PAGE2B: variants seen among roughly 807,000 people sequenced by gnomAD.
PAGE2B encodes putative G antigen family E member 3.
A neutral mutation model predicts 7.6 loss-of-function variants in PAGE2B; 5 were observed. The observed-to-expected ratio is 0.66, with a 90% CI of 0.34 to 1.38. The LOEUF is 1.38. Ranked by LOEUF, PAGE2B falls within the 40% of genes most tolerant of loss-of-function variation. The pLI is 0.04. For synonymous variants in PAGE2B, 29 were observed against 26.7 expected, an observed-to-expected ratio of 1.09 and a Z score of -0.27; for missense variants, 70 against 78.4, an observed-to-expected ratio of 0.89 and a Z score of 0.41.
At chrX:55,063,276 T>A in the PAGE2B span, among the ~76,000 whole-genome samples, 1 of 111,529 alleles carries the variant, frequency 9.0e-6, no homozygotes, top group African/African-American at 3.3e-5. Flanking sequence ...ATTGTAGAGA[T>A]CTTTTACTTC....
the PAGE2B span, among the ~76,000 whole-genome samples, chrX:55,044,086 G>C: frequency 6.4e-3 from 697 of 109,763 alleles, 5 homozygotes; most frequent in Non-Finnish European, 0.011. Flanking sequence ...ATGGAAAACA[G>C]TGTGGAGATT....
the PAGE2B span, among the ~76,000 whole-genome samples, chrX:55,065,881 T>C: frequency 1.8e-5 from 2 of 111,894 alleles, no homozygotes; most frequent in African/African-American, 6.5e-5. Flanking sequence ...TTGTAACTCT[T>C]TGTAGTTTAT....
the PAGE2B span, among the ~76,000 whole-genome samples, chrX:55,049,604 A>G: frequency 5.4e-5 from 6 of 111,784 alleles, no homozygotes; most frequent in South Asian, 1.8e-3. Flanking sequence ...AGAGGTGTTT[A>G]TAGTATTCTC....
At chrX:55,057,668 A>G in the PAGE2B span, among the ~76,000 whole-genome samples, 1 of 111,996 alleles carries the variant, frequency 8.9e-6, no homozygotes, top group African/African-American at 3.3e-5. Flanking sequence ...CAACAGAGAG[A>G]TAAACCTCAA....
At chrX:55,077,335 T>C in intron 3 of PAGE2B, 64 bp from the exon 4 acceptor site, 2 of 1,191,014 alleles carry the variant, frequency 1.7e-6, no homozygotes, top group Middle Eastern at 4.7e-4. Flanking sequence ...GAATAAATAT[T>C]ATCATTTCCT....
chrX:55,049,770 T>C, the PAGE2B span, among the ~76,000 whole-genome samples: 3 of 111,703 alleles, frequency 2.7e-5, no homozygotes, highest in African/African-American at 9.8e-5. Flanking sequence ...CCTAGATTCA[T>C]TGATTTTTAT....
At chrX:55,038,428 T>C in the PAGE2B span, among the ~76,000 whole-genome samples, 1 of 112,206 alleles carries the variant, frequency 8.9e-6, no homozygotes, top group South Asian at 3.6e-4. Context: ...GTTCGTTATA[T>C]TTACTCTCAA....
At chrX:55,044,179 T>G in the PAGE2B span, among the ~76,000 whole-genome samples, 3 of 109,881 alleles carry the variant, frequency 2.7e-5, no homozygotes, top group African/African-American at 3.3e-5. Flanking sequence ...TGCACATGAA[T>G]GTTTATAGCA....
the PAGE2B span, among the ~76,000 whole-genome samples, chrX:55,042,917 G>C: frequency 9.1e-6 from 1 of 110,100 alleles, no homozygotes; most frequent in Non-Finnish European, 1.9e-5. Context: ...GAACAAATCT[G>C]GAAGCATTAT....
At chrX:55,045,637 A>C in the PAGE2B span, among the ~76,000 whole-genome samples, 1 of 111,113 alleles carries the variant, frequency 9.0e-6, no homozygotes, top group African/African-American at 3.3e-5. Context: ...ACCTTCTGAG[A>C]ACTCAGAAAT....
At chrX:55,037,890 G>T in the PAGE2B span, among the ~76,000 whole-genome samples, 1 of 81,507 alleles carries the variant, frequency 1.2e-5, no homozygotes, top group Non-Finnish European at 2.3e-5. Flanking sequence ...ATCACACACT[G>T]GGGCCTGTTG....
the PAGE2B span, among the ~76,000 whole-genome samples, chrX:55,042,649 G>A: frequency 2.2e-4 from 6 of 27,692 alleles, no homozygotes; most frequent in African/African-American, 7.7e-4. Context: ...GCGAGACTCC[G>A]TCTCAAAAAA....
the PAGE2B span, among the ~76,000 whole-genome samples, chrX:55,066,784 T>C: frequency 9.0e-6 from 1 of 111,709 alleles, no homozygotes; most frequent in Non-Finnish European, 1.9e-5. Flanking sequence ...TTAAATCTGC[T>C]TGGTGTTCTA....
the PAGE2B span, among the ~76,000 whole-genome samples, chrX:55,037,813 A>T: frequency 9.7e-6 from 1 of 103,476 alleles, no homozygotes; most frequent in Admixed American, 1.1e-4. Context: ...AAAAAACCAA[A>T]CACCGCATGT....
the PAGE2B span, among the ~76,000 whole-genome samples, chrX:55,060,216 C>T: frequency 0.078 from 8,641 of 111,127 alleles, 777 homozygotes; most frequent in African/African-American, 0.26. Context: ...ATCTCCTTAC[C>T]GTTTTTCATA....
chrX:55,046,016 A>T, the PAGE2B span, among the ~76,000 whole-genome samples: 1 of 112,104 alleles, frequency 8.9e-6, no homozygotes, highest in Non-Finnish European at 1.9e-5. Context: ...AGAGGCACGG[A>T]GGAGAAACAT....
chrX:55,071,884 C>G (rs1936453205), upstream of PAGE2B, among the ~76,000 whole-genome samples: 1 of 111,777 alleles, frequency 8.9e-6, no homozygotes, highest in South Asian at 3.7e-4. Flanking sequence ...AGATGTAGTC[C>G]TCTGTTTTTC....
the PAGE2B span, among the ~76,000 whole-genome samples, chrX:55,049,009 G>A: frequency 1.8e-5 from 2 of 111,881 alleles, no homozygotes; most frequent in African/African-American, 6.5e-5. Flanking sequence ...AGAGTTTTTA[G>A]CATGAAGGGT....
the PAGE2B span, among the ~76,000 whole-genome samples, chrX:55,067,343 G>A: frequency 0.018 from 1,958 of 110,679 alleles, 32 homozygotes; most frequent in East Asian, 0.06. Flanking sequence ...TGAGAATGAT[G>A]GTTTTCAGCA....
Sources: gnomAD v4.1 joint callset for allele counts (sites outside exome capture counted in the v4.1 genomes callset) on GRCh38, gnomAD v4.1.1 for gene constraint, MANE v1.5 for transcripts, NCBI Gene and HGNC (gene_info 2026-07-23, HGNC 2026-07-21) for gene names.